PTPRE: variants seen among roughly 807,000 people sequenced by gnomAD.
PTPRE encodes the protein protein tyrosine phosphatase receptor type E, also known as receptor-type tyrosine-protein phosphatase epsilon.
In PTPRE, 51 loss-of-function variants were observed where a neutral mutation model predicts 102.0. The ratio of observed to expected loss-of-function variants is 0.50; its 90% confidence interval spans 0.40 to 0.63. PTPRE has a LOEUF of 0.63. Among genes scored for constraint, PTPRE ranks in the 30% least tolerant of loss-of-function variants. PTPRE has a pLI of 0.00. For missense variants in PTPRE, 752 were observed against 915.1 expected (o/e 0.82, Z 2.30); for synonymous variants, 345 against 348.2 (o/e 0.99, Z 0.10).
chr10:127,965,657 C>T (rs935740397), intron 1 of PTPRE, among the ~76,000 whole-genome samples: 6 of 152,270 alleles, frequency 3.9e-5, no homozygotes, highest in East Asian at 1.9e-4. Flanking sequence ...TGTATTTTAG[C>T]GGCCAGATGT....
intron 1 of PTPRE, among the ~76,000 whole-genome samples, chr10:127,928,445 C>G (rs576931248): frequency 6.6e-6 from 1 of 152,314 alleles, no homozygotes; most frequent in African/African-American, 2.4e-5. Flanking sequence ...AATTCTTTTA[C>G]TGTTTTCAAA....
chr10:128,044,409 C>T (rs978852658), intron 3 of PTPRE, among the ~76,000 whole-genome samples: 23 of 152,226 alleles, frequency 1.5e-4, no homozygotes, highest in Admixed American at 1.3e-3. Flanking sequence ...TGGAAGACCC[C>T]GGCTCTTGGC....
intron 2 of PTPRE, among the ~76,000 whole-genome samples, chr10:127,993,621 C>T (rs72847319): frequency 0.072 from 10,982 of 152,220 alleles, 532 homozygotes; most frequent in Admixed American, 0.11. Flanking sequence ...AGGGAGAAGA[C>T]AGTTGTATCT....
Position 128,077,626 on chromosome 10 carries a change from C to T in PTPRE, c.1735C>T (p.Arg579Cys), listed in dbSNP as rs145259758. The change falls in exon 19 of 21, where the codon CGC (arginine) becomes TGC (cysteine). Residue 579 changes from arginine (R) to cysteine (C), a missense_variant. Physicochemically the swap from Arg to Cys is radical, Grantham distance 180. Around this residue, in one of 2 missense-constraint regions of PTPRE, gnomAD observed 636 missense variants for 824.4 expected, o/e 0.77. Transcript: ENST00000254667. ...FLVTLNQPQA[R>C]QEEQVRVVRQ... ...CCTCTCCTCCCTGCAGCCCCAGGCC[C>T]GCCAGGAGGAGCAGGTCCGAGTAGT... is the stretch of plus-strand genomic sequence containing the variant. 32 of 1,607,770 alleles carry T rather than the reference C, an allele frequency of 2.0e-5. No individual in the cohort carries two copies. The highest frequency in any genetic ancestry group is 2.2e-5 in the East Asian group (1 of 44,730).
chr10:127,926,143 C>T (rs1052822544), intron 1 of PTPRE, among the ~76,000 whole-genome samples: 1 of 152,046 alleles, frequency 6.6e-6, no homozygotes, highest in African/African-American at 2.4e-5. Flanking sequence ...GCAGAGTAGC[C>T]AGTGTTTAAG....
At chr10:127,910,899 C>A (rs1294629443) in intron 1 of PTPRE, among the ~76,000 whole-genome samples, 1 of 152,114 alleles carries the variant, frequency 6.6e-6, no homozygotes, top group African/African-American at 2.4e-5. Flanking sequence ...GCATAGGCAA[C>A]ATGATGGAAC....
At chr10:127,984,772 A>G (rs1851940668) in intron 2 of PTPRE, among the ~76,000 whole-genome samples, 1 of 152,142 alleles carries the variant, frequency 6.6e-6, no homozygotes, top group Non-Finnish European at 1.5e-5. Flanking sequence ...GTGCCATGTG[A>G]GACGTGCCTT....
intron 1 of PTPRE, among the ~76,000 whole-genome samples, chr10:127,974,504 CT>C (rs1850997028): frequency 6.6e-6 from 1 of 152,186 alleles, no homozygotes; most frequent in African/African-American, 2.4e-5. Flanking sequence ...TTCATGGCCC[CT>C]GGGCTTGCCA....
intron 1 of PTPRE, among the ~76,000 whole-genome samples, chr10:127,971,561 G>A (rs139415587): frequency 0.011 from 1,669 of 152,330 alleles, 18 homozygotes; most frequent in Non-Finnish European, 0.017. Context: ...AGGTACTAGC[G>A]CATTCCACTT....
Position 128,079,658 on chromosome 10 carries a change from G to C in PTPRE, c.1991G>C (p.Ser664Thr). The change falls in exon 20 of 21, where the codon AGT becomes ACT. Residue 664 changes from serine (S) to threonine (T), a missense_variant. Physicochemically the swap from Ser to Thr is moderately conservative, Grantham distance 58 (BLOSUM62 1). Around this residue, in one of 2 missense-constraint regions of PTPRE, gnomAD observed 636 missense variants for 824.4 expected, o/e 0.77. Transcript: ENST00000254667. ...GLLDVFQAVK[S>T]LRLQRPHMVQ... ...TTAGATGTATTTCAAGCTGTGAAGAGTTTACGACTTCAGAGACCACATATG... is the reference window on the plus strand; with the variant it reads ...TTAGATGTATTTCAAGCTGTGAAGACTTTACGACTTCAGAGACCACATATG... 1 of 1,613,980 alleles carries C rather than the reference G, an allele frequency of 6.2e-7. No homozygotes were observed. Among genetic ancestry groups the C allele is most frequent in the Admixed American group, 1.7e-5 (1 of 60,026 alleles).
At chr10:127,947,482 C>T (rs1038999188) in intron 1 of PTPRE, among the ~76,000 whole-genome samples, 3 of 152,188 alleles carry the variant, frequency 2.0e-5, no homozygotes, top group Non-Finnish European at 4.4e-5. Flanking sequence ...TCAGGTTTGT[C>T]CCATGGGTTT....
chr10:127,955,020 G>T (rs980215593), intron 1 of PTPRE, among the ~76,000 whole-genome samples: 1 of 151,874 alleles, frequency 6.6e-6, no homozygotes, highest in African/African-American at 2.4e-5. Flanking sequence ...GGGAGTTACG[G>T]TGTTGGCTGC....
At chr10:127,942,150 G>A (rs1465893701) in intron 1 of PTPRE, among the ~76,000 whole-genome samples, 1 of 152,180 alleles carries the variant, frequency 6.6e-6, no homozygotes, top group Non-Finnish European at 1.5e-5. Context: ...AGACCACGAT[G>A]TCAGAGAAAT....
At chr10:128,036,578 A>T (rs1847237996) in intron 2 of PTPRE, among the ~76,000 whole-genome samples, 1 of 151,488 alleles carries the variant, frequency 6.6e-6, no homozygotes, top group African/African-American at 2.4e-5. Context: ...TAGAGCCCCC[A>T]TTGTCCTTGT....
At chr10:128,065,813 A>G (rs1488062929) in intron 10 of PTPRE, among the ~76,000 whole-genome samples, 1 of 152,246 alleles carries the variant, frequency 6.6e-6, no homozygotes, top group Non-Finnish European at 1.5e-5. Flanking sequence ...GGATTCGTGA[A>G]TGAATGAAGA....
intron 1 of PTPRE, among the ~76,000 whole-genome samples, chr10:127,958,908 T>C (rs1256802562): frequency 6.6e-6 from 1 of 150,754 alleles, no homozygotes; most frequent in African/African-American, 2.4e-5. Context: ...TTTTTTTTTT[T>C]TTCCTGAGAC....
chr10:128,066,369 A>G lies in PTPRE; in HGVS notation c.843+175A>G, dbSNP rs551946986. Among the ~76,000 whole-genome samples, 11 of 152,360 alleles carry G rather than the reference A, an allele frequency of 7.2e-5. No individual in the cohort carries two copies. The South Asian group carries it at 2.3e-3, about 32-fold the overall frequency. ...GATAGGCAGACATGCAAGAGGGCCA[A>G]GACACCAGAGGCCGGTGCACAAGGG... On this transcript the variant is annotated intron_variant, in intron 11 of 20. Coordinates refer to ENST00000254667, the MANE Select transcript of PTPRE (RefSeq NM_006504.6).
chr10:128,049,712 C>T lies in PTPRE; in HGVS notation c.420+46C>T, dbSNP rs753578924. 12 of 1,610,948 alleles carry T rather than the reference C, an allele frequency of 7.4e-6. No homozygotes were observed. The South Asian group carries it at 1.3e-4, about 18-fold the overall frequency. On this transcript the variant is annotated intron_variant, in intron 6 of 20. Coordinates refer to ENST00000254667, the MANE Select transcript of PTPRE (RefSeq NM_006504.6). ...CTGCTGGGTGCCCTGTGGTGGAGAC[C>T]TGTGAAATCCAGTGTTAGAGTTCAG...
intron 2 of PTPRE, among the ~76,000 whole-genome samples, chr10:127,990,369 A>G (rs1485039243): frequency 7.0e-6 from 1 of 142,254 alleles, no homozygotes; most frequent in Admixed American, 7.6e-5. Context: ...CCGAGACTGC[A>G]CCGTTGCACT....
Sources: gnomAD v4.1 joint callset for allele counts (sites outside exome capture counted in the v4.1 genomes callset) on GRCh38, gnomAD v4.1.1 for gene constraint, gnomAD v4.1.1 regional missense constraint, MANE v1.5 for transcripts, NCBI Gene and HGNC (gene_info 2026-07-23, HGNC 2026-07-21) for gene names.